Variants in BMP2K observed in about 807,000 individuals in gnomAD.
BMP2K encodes BMP2 inducible kinase, also known as BMP-2-inducible protein kinase.
BMP2K carries 74 observed loss-of-function variants against 116.0 expected under a neutral mutation model. That is an observed-to-expected ratio of 0.64 (90% confidence interval 0.53 to 0.77). The LOEUF is 0.77. BMP2K is among the 30% of genes least tolerant of loss of function. The pLI, the probability that BMP2K is intolerant of heterozygous loss-of-function variation, is 0.00. For missense variants in BMP2K, 1,365 were observed against 1,403.6 expected (o/e 0.97, Z 0.44); for synonymous variants, 486 against 502.5 (o/e 0.97, Z 0.44).
At chr4:78,807,184 C>A (rs969341188) in intron 1 of BMP2K, among the ~76,000 whole-genome samples, 5 of 152,064 alleles carry the variant, frequency 3.3e-5, no homozygotes, top group African/African-American at 1.2e-4. Flanking sequence ...TTTTTCCCTG[C>A]ATTTATTGAG....
At chr4:78,891,278 T>G (rs1368888836) in intron 15 of BMP2K, among the ~76,000 whole-genome samples, 1 of 152,128 alleles carries the variant, frequency 6.6e-6, no homozygotes, top group Non-Finnish European at 1.5e-5. Flanking sequence ...CCTCTTTTTC[T>G]TATTCCTGCT....
intron 15 of BMP2K, among the ~76,000 whole-genome samples, chr4:78,894,766 T>A (rs534220798): frequency 6.6e-6 from 1 of 152,356 alleles, no homozygotes; most frequent in Admixed American, 6.5e-5. Context: ...TTGACCTATC[T>A]CAGCTTTCAG....
intron 15 of BMP2K, among the ~76,000 whole-genome samples, chr4:78,907,337 T>TA (rs1660461671): frequency 6.6e-6 from 1 of 152,164 alleles, no homozygotes; most frequent in Non-Finnish European, 1.5e-5. Flanking sequence ...AAAGTAATGG[T>TA]AGCCAGTTGA....
Position 78,875,502 on chromosome 4 carries a change from A to G in BMP2K, c.1793+2704A>G, listed in dbSNP as rs556821579. On this transcript the variant is annotated intron_variant, in intron 13 of 15. Coordinates refer to ENST00000502613, the MANE Select transcript of BMP2K (RefSeq NM_198892.2). ...TAGTTAAAATAAACATCATCTATGCATACGTTATCTTCTTATGATATAATT... is the reference window on the plus strand; with the variant it reads ...TAGTTAAAATAAACATCATCTATGCGTACGTTATCTTCTTATGATATAATT... Among the ~76,000 whole-genome samples the G allele has an allele frequency of 2.0e-5, 3 of 152,358 alleles. No homozygotes were observed. In the South Asian group the frequency reaches 6.2e-4, roughly 32 times the overall value.
intron 1 of BMP2K, among the ~76,000 whole-genome samples, chr4:78,787,255 T>A (rs1362206352): frequency 6.6e-6 from 1 of 152,248 alleles, no homozygotes; most frequent in Middle Eastern, 3.2e-3. Context: ...TGAAGTTCTG[T>A]CCATTTTAAA....
At chr4:78,790,756 G>A (rs1287181739) in intron 1 of BMP2K, among the ~76,000 whole-genome samples, 1 of 152,122 alleles carries the variant, frequency 6.6e-6, no homozygotes, top group Non-Finnish European at 1.5e-5. Flanking sequence ...CTGGCATGGT[G>A]GCCCACACCT....
intron 1 of BMP2K, among the ~76,000 whole-genome samples, chr4:78,822,547 A>G (rs1356883188): frequency 1.4e-5 from 2 of 138,366 alleles, no homozygotes; most frequent in Non-Finnish European, 2.9e-5. Flanking sequence ...CATCAGATCA[A>G]TTTCATCAGA....
In BMP2K at chr4:78,911,562, G is replaced by A; in HGVS notation, c.3015G>A (p.Lys1005=). Residue 1005 remains lysine (K), a synonymous_variant, in exon 16 of 16, where the codon AAG becomes AAA. Transcript: ENST00000502613. ...ATCATGGCACGCCAACTAGCACAAA[G>A]AAGACTTTGAAGCCTACCTATCGCA... ...KRHHGTPTST[K]KTLKPTYRTP... is the part of the protein sequence containing the mutation. 1.2e-6 allele frequency: 2 copies of A among 1,614,034 alleles called. No homozygotes were observed. Among genetic ancestry groups the A allele is most frequent in the Non-Finnish European group, 1.7e-6 (2 of 1,179,892 alleles).
chr4:78,892,230 AG>A (rs1465878931), intron 15 of BMP2K, among the ~76,000 whole-genome samples: 2 of 152,138 alleles, frequency 1.3e-5, no homozygotes, highest in Admixed American at 6.5e-5. Flanking sequence ...CTTTGTGAAA[AG>A]GTTTTTAATT....
At chr4:78,873,074 T>G (rs1476398326) in intron 13 of BMP2K, among the ~76,000 whole-genome samples, 1 of 152,190 alleles carries the variant, frequency 6.6e-6, no homozygotes, top group Non-Finnish European at 1.5e-5. Context: ...AAGGCATTTT[T>G]GGTAATGTAA....
intron 8 of BMP2K, among the ~76,000 whole-genome samples, chr4:78,860,347 T>A (rs73830212): frequency 1.3e-3 from 193 of 151,968 alleles, no homozygotes; most frequent in African/African-American, 4.4e-3. Context: ...AGTTTTTTTT[T>A]AAAAAGCACA....
chr4:78,846,195 G>T (rs75125651), intron 5 of BMP2K, among the ~76,000 whole-genome samples: 3 of 151,596 alleles, frequency 2.0e-5, no homozygotes, highest in African/African-American at 7.3e-5. Context: ...TTCATGAGGG[G>T]TTTTGTCCTT....
At chr4:78,793,580 G>A (rs1728112625) in intron 1 of BMP2K, among the ~76,000 whole-genome samples, 3 of 152,010 alleles carry the variant, frequency 2.0e-5, no homozygotes, top group African/African-American at 7.2e-5. Context: ...AATGTAAAGG[G>A]ATCCTGAGGC....
At chr4:78,881,113 T>A (rs1214849378) in intron 14 of BMP2K, among the ~76,000 whole-genome samples, 3 of 152,200 alleles carry the variant, frequency 2.0e-5, no homozygotes, top group Non-Finnish European at 4.4e-5. Context: ...CTTCCACATT[T>A]ATAAACTGGG....
At chr4:78,810,815 T>G (rs1486799946) in intron 1 of BMP2K, among the ~76,000 whole-genome samples, 1 of 139,852 alleles carries the variant, frequency 7.2e-6, no homozygotes, top group Non-Finnish European at 1.5e-5. Context: ...TCCAATATTC[T>G]TGAATAAAAA....
At chr4:78,873,598 T>C (rs914602456) in intron 13 of BMP2K, among the ~76,000 whole-genome samples, 5 of 152,130 alleles carry the variant, frequency 3.3e-5, no homozygotes, top group South Asian at 2.1e-4. Context: ...AGCATACTTG[T>C]ACACTGCATC....
At chr4:78,832,539 C>T (rs981691086) in intron 2 of BMP2K, among the ~76,000 whole-genome samples, 1 of 152,074 alleles carries the variant, frequency 6.6e-6, no homozygotes, top group African/African-American at 2.4e-5. Flanking sequence ...ACAGTTAAGG[C>T]TGTTAGCTAG....
intron 15 of BMP2K, among the ~76,000 whole-genome samples, chr4:78,895,266 C>T (rs1733641938): frequency 6.6e-6 from 1 of 152,130 alleles, no homozygotes; most frequent in Admixed American, 6.6e-5. Flanking sequence ...TGAAGTCTGG[C>T]ACAATACAAA....
At chr4:78,835,108 A>T (rs1429688783) in intron 3 of BMP2K, among the ~76,000 whole-genome samples, 1 of 152,180 alleles carries the variant, frequency 6.6e-6, no homozygotes, top group Non-Finnish European at 1.5e-5. Context: ...GATTAATTTA[A>T]TTGTCACTTA....
Sources: gnomAD v4.1 joint callset for allele counts (sites outside exome capture counted in the v4.1 genomes callset) on GRCh38, gnomAD v4.1.1 for gene constraint, MANE v1.5 for transcripts, NCBI Gene and HGNC (gene_info 2026-07-23, HGNC 2026-07-21) for gene names.